MALRD1: variants seen among roughly 807,000 people sequenced by gnomAD.
MALRD1 encodes the protein MAM and LDL-receptor class A domain-containing protein 1.
MALRD1 carries 247 observed loss-of-function variants against 242.1 expected under a neutral mutation model. That is an observed-to-expected ratio of 1.02 (90% CI 0.92 to 1.13). The LOEUF (loss-of-function observed/expected upper bound fraction) is 1.13. Among genes scored for constraint, MALRD1 ranks in the 50% most tolerant of loss-of-function variants. The pLI is 0.00. For missense variants in MALRD1, 2,989 were observed against 2,533.1 expected (o/e 1.18, Z -3.86); for synonymous variants, 995 against 866.6 (o/e 1.15, Z -2.60).
intron 25 of MALRD1, among the ~76,000 whole-genome samples, chr10:19,351,302 C>T (rs923708335): frequency 2.0e-5 from 3 of 152,132 alleles, no homozygotes; most frequent in African/African-American, 7.2e-5. Flanking sequence ...TTTTTCCAGA[C>T]TTTTTTCACT....
intron 1 of MALRD1, chr10:19,052,102 A>T (rs930514196): frequency 1.1e-4 from 48 of 454,614 alleles, no homozygotes; most frequent in Non-Finnish European, 1.9e-4. Context: ...GGGCTAGCAA[A>T]ATGGCAGAAT....
chr10:19,263,082 G>A (rs1463686532), intron 19 of MALRD1, among the ~76,000 whole-genome samples: 1 of 152,112 alleles, frequency 6.6e-6, no homozygotes. Context: ...GAATCATGCT[G>A]CAATGAACAT....
chr10:19,328,568 C>T (rs994281307), intron 23 of MALRD1, among the ~76,000 whole-genome samples: 3 of 152,056 alleles, frequency 2.0e-5, no homozygotes, highest in African/African-American at 7.2e-5. Context: ...CAGATAAATA[C>T]ATCTACAATC....
rs115643899 is a variant in MALRD1, at chr10:19,141,015, G to A, written c.1411+4234G>A. ...TTTACTGTAGTAATCCTTTCACTACGTATATGTATATCAAAACATTACATT... is the reference window on the plus strand; with the variant it reads ...TTTACTGTAGTAATCCTTTCACTACATATATGTATATCAAAACATTACATT... On this transcript the variant is annotated intron_variant, in intron 10 of 39. Coordinates refer to ENST00000454679, the MANE Select transcript of MALRD1 (RefSeq NM_001142308.3). Among the ~76,000 whole-genome samples, 1,273 of 152,134 alleles carry A rather than the reference G, an allele frequency of 8.4e-3. 19 individuals carry two copies. The highest frequency in any genetic ancestry group is 0.029 in the African/African-American group (1,203 of 41,494).
At chr10:19,159,891 T>C (rs1036678454) in intron 12 of MALRD1, among the ~76,000 whole-genome samples, 1 of 152,018 alleles carries the variant, frequency 6.6e-6, no homozygotes, top group Non-Finnish European at 1.5e-5. Context: ...AATGTATACA[T>C]ATATATTTTT....
At chr10:19,308,751 T>A (rs1345822662) in intron 21 of MALRD1, among the ~76,000 whole-genome samples, 2 of 151,508 alleles carry the variant, frequency 1.3e-5, no homozygotes, top group Non-Finnish European at 3.0e-5. Context: ...AGAGAAAAAG[T>A]GTGCCTTTCC....
intron 19 of MALRD1, among the ~76,000 whole-genome samples, chr10:19,275,768 T>A (rs1379525640): frequency 6.6e-6 from 1 of 152,234 alleles, no homozygotes; most frequent in African/African-American, 2.4e-5. Context: ...TTTAAAGTAG[T>A]ACAGTCAGTG....
chr10:19,179,180 G>A (rs572116473), intron 14 of MALRD1, among the ~76,000 whole-genome samples: 1 of 152,300 alleles, frequency 6.6e-6, no homozygotes, highest in African/African-American at 2.4e-5. Flanking sequence ...AGTCATATTT[G>A]TAGAATCAAA....
chr10:19,690,111 C>CT (rs1173564477), intron 36 of MALRD1, among the ~76,000 whole-genome samples: 7 of 151,996 alleles, frequency 4.6e-5, no homozygotes, highest in African/African-American at 1.4e-4. Flanking sequence ...TCTCTAAAAT[C>CT]TTTTTTTGTA....
At chr10:19,643,537 A>G (rs762931800) in intron 36 of MALRD1, among the ~76,000 whole-genome samples, 17 of 152,340 alleles carry the variant, frequency 1.1e-4, no homozygotes, top group Non-Finnish European at 2.1e-4. Context: ...TAAAATGCCC[A>G]ATAGTTTCGA....
chr10:19,283,989 G>C (rs1005940459), intron 21 of MALRD1, among the ~76,000 whole-genome samples: 1 of 152,174 alleles, frequency 6.6e-6, no homozygotes, highest in Non-Finnish European at 1.5e-5. Context: ...CTGCTACACA[G>C]CAGAAGGGAA....
intron 34 of MALRD1, among the ~76,000 whole-genome samples, chr10:19,598,967 T>A (rs1432436184): frequency 6.6e-6 from 1 of 152,024 alleles, no homozygotes; most frequent in Non-Finnish European, 1.5e-5. Context: ...AGAGAGGGCC[T>A]AAAAAATATA....
chr10:19,382,121 C>G (rs1378493320), intron 26 of MALRD1, among the ~76,000 whole-genome samples: 1 of 152,118 alleles, frequency 6.6e-6, no homozygotes, highest in South Asian at 2.1e-4. Context: ...CGCTGCCTGG[C>G]TTTAACAATT....
At chr10:19,329,684 A>T (rs998276382) in intron 23 of MALRD1, among the ~76,000 whole-genome samples, 2 of 152,208 alleles carry the variant, frequency 1.3e-5, no homozygotes, top group East Asian at 3.8e-4. Flanking sequence ...GCCTTCCACC[A>T]GTCCACAGTG....
intron 38 of MALRD1, among the ~76,000 whole-genome samples, chr10:19,701,772 C>T (rs1484371784): frequency 2.3e-5 from 3 of 127,924 alleles, no homozygotes; most frequent in African/African-American, 8.7e-5. Context: ...CCCTTCTCTT[C>T]TTCTCCCTCC....
chr10:19,082,309 ACTT>A (rs1244502827), intron 2 of MALRD1, among the ~76,000 whole-genome samples: 2 of 151,592 alleles, frequency 1.3e-5, no homozygotes, highest in African/African-American at 2.4e-5. Context: ...AGTTCTGTTC[ACTT>A]CTTCTTTATG....
At chr10:19,720,139 G>T (rs1834675419) in intron 38 of MALRD1, among the ~76,000 whole-genome samples, 1 of 152,100 alleles carries the variant, frequency 6.6e-6, no homozygotes, top group South Asian at 2.1e-4. Flanking sequence ...TATAAGCTTG[G>T]TGTTGACTTT....
chr10:19,341,585 C>G (rs915681765), intron 24 of MALRD1, among the ~76,000 whole-genome samples: 40 of 56,754 alleles, frequency 7.0e-4, no homozygotes, highest in African/African-American at 4.0e-3. Flanking sequence ...GTATATAAAA[C>G]ACTCACACAC....
chr10:19,131,529 T>C (rs1217540009), intron 8 of MALRD1, among the ~76,000 whole-genome samples: 12 of 152,182 alleles, frequency 7.9e-5, no homozygotes, highest in African/African-American at 2.9e-4. Flanking sequence ...TGTGTAGGGT[T>C]TCCATGTAAT....
Sources: allele counts gnomAD v4.1 joint callset (sites outside exome capture counted in the v4.1 genomes callset), GRCh38; gene constraint gnomAD v4.1.1; transcripts MANE v1.5; gene names NCBI Gene and HGNC (gene_info 2026-07-23, HGNC 2026-07-21).